Variants in STK33 observed in about 807,000 individuals in gnomAD.
STK33 encodes the protein serine/threonine-protein kinase 33.
STK33 carries 52 observed loss-of-function variants against 58.0 expected under a neutral mutation model. The observed-to-expected ratio is 0.90, with a 90% CI of 0.72 to 1.13. The LOEUF (loss-of-function observed/expected upper bound fraction) is 1.13, where lower values mean the gene tolerates loss of function less well. STK33 is among the 50% of genes most tolerant of loss of function. STK33 has a pLI of 0.00. For synonymous variants in STK33, 215 were observed against 200.1 expected, an observed-to-expected ratio of 1.07 and a Z score of -0.63; for missense variants, 630 against 604.2, an observed-to-expected ratio of 1.04 and a Z score of -0.45.
chr11:8,362,653 T>A, the STK33 span, among the ~76,000 whole-genome samples: 1 of 152,212 alleles, frequency 6.6e-6, no homozygotes, highest in Non-Finnish European at 1.5e-5. Flanking sequence ...GGGAGGCACG[T>A]CACTGGCTGG....
chr11:8,480,399 G>C lies in STK33; in HGVS notation c.-261+11C>G, dbSNP rs1015837534. ...GACATTTAAAGGAACAGAAGTGGCA[G>C]TGTTCCTCACCTCCACTGTAGAGAT... On this transcript the variant is annotated intron_variant, in intron 2 of 15. Transcript: ENST00000687296. The C allele has an allele frequency of 4.6e-5, 7 of 152,194 alleles. No individual in the cohort carries two copies. The highest frequency in any genetic ancestry group is 3.9e-4 in the Admixed American group (6 of 15,278). 9.4% of individuals were successfully genotyped at this position (152,194 alleles called of 1,614,324 possible).
At chr11:8,482,645 C>A (rs1177353168) in intron 1 of STK33, among the ~76,000 whole-genome samples, 1 of 152,084 alleles carries the variant, frequency 6.6e-6, no homozygotes, top group Non-Finnish European at 1.5e-5. Context: ...GAATTCTACT[C>A]CTATCCCTTA....
chr11:8,543,158 G>A (rs1955655526), intron 1 of STK33, among the ~76,000 whole-genome samples: 1 of 152,082 alleles, frequency 6.6e-6, no homozygotes, highest in Admixed American at 6.6e-5. Flanking sequence ...AAAATCACAT[G>A]TCCATTAAGG....
downstream of STK33, among the ~76,000 whole-genome samples, chr11:8,388,840 A>G (rs747815794): frequency 3.0e-4 from 46 of 152,160 alleles, no homozygotes; most frequent in Non-Finnish European, 5.6e-4. Context: ...CGCTCCAGGT[A>G]TCCTGCCCTA....
chr11:8,367,241 G>A, the STK33 span, among the ~76,000 whole-genome samples: 1 of 152,250 alleles, frequency 6.6e-6, no homozygotes, highest in African/African-American at 2.4e-5. Flanking sequence ...CCAAGGTTAT[G>A]TGTGTGAGTC....
At chr11:8,396,302 C>T (rs2135060446) in intron 15 of STK33, among the ~76,000 whole-genome samples, 2 of 152,270 alleles carry the variant, frequency 1.3e-5, no homozygotes, top group Middle Eastern at 6.8e-3. Flanking sequence ...CAGGGTTTCA[C>T]CATGTTGGCC....
chr11:8,544,415 T>C (rs1308811090), intron 1 of STK33, among the ~76,000 whole-genome samples: 1 of 149,852 alleles, frequency 6.7e-6, no homozygotes, highest in Non-Finnish European at 1.5e-5. Flanking sequence ...TAGCTACAGA[T>C]TGATTTTATT....
intron 1 of STK33, among the ~76,000 whole-genome samples, chr11:8,574,700 A>G: frequency 6.6e-6 from 1 of 152,268 alleles, no homozygotes; most frequent in African/African-American, 2.4e-5. Flanking sequence ...CCTAGAAGCA[A>G]AAATTCTTAA....
rs372671561 is a variant in STK33, at chr11:8,536,833, C to T, written c.-465-56219G>A. ...TCACTCTGTTGCCCAGGCTGGAGTA[C>T]AATGGCATGATGATCATAGCTCACT... is the stretch of plus-strand genomic sequence containing the variant. On this transcript the variant is annotated intron_variant, in intron 1 of 15. Coordinates refer to ENST00000687296, the MANE Select transcript of STK33 (RefSeq NM_001352389.2). 2.2e-3 allele frequency among the ~76,000 whole-genome samples: 336 copies of T among 149,920 alleles called. 2 individuals are homozygous for T. The highest frequency in any genetic ancestry group is 7.8e-3 in the African/African-American group (318 of 40,676).
chr11:8,579,495 A>C (rs1435515450), intron 1 of STK33, among the ~76,000 whole-genome samples: 9 of 152,058 alleles, frequency 5.9e-5, no homozygotes, highest in Non-Finnish European at 1.3e-4. Flanking sequence ...ATATATTTTT[A>C]TCTCTCTTGT....
chr11:8,561,152 T>C (rs1244654305), intron 1 of STK33, among the ~76,000 whole-genome samples: 1 of 152,206 alleles, frequency 6.6e-6, no homozygotes, highest in East Asian at 1.9e-4. Flanking sequence ...CCCCTTCCTA[T>C]CTCTGCTTCT....
intron 1 of STK33, among the ~76,000 whole-genome samples, chr11:8,496,583 T>C (rs186118492): frequency 2.7e-4 from 41 of 152,058 alleles, no homozygotes; most frequent in African/African-American, 9.6e-4. Flanking sequence ...ATTTCATTTT[T>C]TTTTTTTTTG....
At chr11:8,363,506 T>G in the STK33 span, among the ~76,000 whole-genome samples, 1 of 152,092 alleles carries the variant, frequency 6.6e-6, no homozygotes. Flanking sequence ...CCCCATAGAT[T>G]AGTCTTGCCT....
chr11:8,500,720 T>C (rs767023952), intron 1 of STK33, among the ~76,000 whole-genome samples: 7 of 152,166 alleles, frequency 4.6e-5, no homozygotes, highest in Admixed American at 6.6e-5. Context: ...GGATTTACGA[T>C]AGCAAAAACA....
At chr11:8,364,205 T>C in the STK33 span, among the ~76,000 whole-genome samples, 3 of 152,238 alleles carry the variant, frequency 2.0e-5, no homozygotes, top group African/African-American at 7.2e-5. Flanking sequence ...TGGAGCCAAA[T>C]GGTGGCGACG....
At chr11:8,343,473 G>A in the STK33 span, among the ~76,000 whole-genome samples, 2 of 152,184 alleles carry the variant, frequency 1.3e-5, no homozygotes, top group Non-Finnish European at 2.9e-5. Context: ...AGCCTGGCAG[G>A]GCTGTGGCTC....
At chr11:8,449,019 G>A (rs1380125364) in intron 11 of STK33, among the ~76,000 whole-genome samples, 1 of 151,676 alleles carries the variant, frequency 6.6e-6, no homozygotes, top group Non-Finnish European at 1.5e-5. Flanking sequence ...GCAGCCAAAA[G>A]ACACGTGAAA....
rs566342698 is a variant in STK33 at position 8,428,181 on chromosome 11, C to T, written c.1146+7313G>A. Among the ~76,000 whole-genome samples the T allele has an allele frequency of 3.3e-5, 5 of 152,296 alleles. No individual in the cohort carries two copies. In the South Asian group the frequency reaches 1.0e-3, roughly 32 times the overall value. The stretch of plus-strand genomic sequence containing the variant: ...AGCCAGGAGTCCTAGAGTTTGGAGG[C>T]CAAGAGGTAAGAAGTCAATGCCTAC... On this transcript the variant is annotated intron_variant, in intron 14 of 15. Coordinates refer to ENST00000687296, the MANE Select transcript of STK33 (RefSeq NM_001352389.2).
At chr11:8,413,384 C>T (rs553956757) in intron 15 of STK33, 111 bp downstream of exon 15, 3 of 1,183,512 alleles carry the variant, frequency 2.5e-6, no homozygotes, top group East Asian at 4.7e-5. Context: ...CTATATAACG[C>T]TCGGCCTTTG....
Sources: gnomAD v4.1 joint callset for allele counts (sites outside exome capture counted in the v4.1 genomes callset) on GRCh38, gnomAD v4.1.1 for gene constraint, MANE v1.5 for transcripts, NCBI Gene and HGNC (gene_info 2026-07-23, HGNC 2026-07-21) for gene names.